The following SMYD3 variants were observed in gnomAD, a reference collection of about 807,000 sequenced individuals.
SMYD3 encodes the protein SET and MYND domain containing 3, also known as histone-lysine N-methyltransferase SMYD3.
In SMYD3, 36 loss-of-function variants were observed where a neutral mutation model predicts 57.7. The observed-to-expected ratio is 0.62, with a 90% CI of 0.48 to 0.82. SMYD3 has a LOEUF of 0.82. Among genes scored for constraint, SMYD3 ranks in the 40% least tolerant of loss-of-function variants. The pLI is 0.00. For synonymous variants in SMYD3, 211 were observed against 195.0 expected (o/e 1.08, Z -0.68); for missense variants, 515 against 538.8 (o/e 0.96, Z 0.44).
At chr1:245,893,024 GTA>G (rs2053491151) in intron 8 of SMYD3, among the ~76,000 whole-genome samples, 1 of 152,112 alleles carries the variant, frequency 6.6e-6, no homozygotes. Flanking sequence ...TCAAAACTCA[GTA>G]AGAAAACACC....
rs753974782 is a variant in SMYD3, at chr1:246,290,076, GT to G, written c.531+37124del. ...ATACTTAAAGGAATCTTCAAATGAT[GT>G]TCAAATATATGATGACAGGAGAAAC... On this transcript the variant is annotated intron_variant, in intron 5 of 11. Transcript: ENST00000490107. Among the ~76,000 whole-genome samples, 522 of 152,232 alleles carry G rather than the reference GT, an allele frequency of 3.4e-3. 5 individuals carry two copies. Among genetic ancestry groups the G allele is most frequent in the Non-Finnish European group, 6.4e-3 (438 of 67,998 alleles).
chr1:245,827,405 G>A (rs1462935857), intron 10 of SMYD3, among the ~76,000 whole-genome samples: 1 of 152,120 alleles, frequency 6.6e-6, no homozygotes. Context: ...TCGAACTCAC[G>A]ATGCCTGGCC....
At chr1:246,009,260 T>C (rs969438803) in intron 5 of SMYD3, among the ~76,000 whole-genome samples, 9 of 152,142 alleles carry the variant, frequency 5.9e-5, no homozygotes, top group African/African-American at 1.9e-4. Context: ...AATTCATGTA[T>C]TGGGGGCTAT....
At chr1:246,507,004 G>T in intron 1 of SMYD3, 50 bp downstream of exon 1, 7 of 915,976 alleles carry the variant, frequency 7.6e-6, no homozygotes, top group African/African-American at 2.4e-5. Context: ...CCCCTCCCCA[G>T]CACCCCACAC....
chr1:245,832,856 G>A (rs1010872930), intron 10 of SMYD3, among the ~76,000 whole-genome samples: 4 of 151,704 alleles, frequency 2.6e-5, no homozygotes, highest in Non-Finnish European at 5.9e-5. Context: ...ATTGAATAAC[G>A]TGACTGAAAG....
intron 8 of SMYD3, among the ~76,000 whole-genome samples, chr1:245,884,228 G>A (rs963768094): frequency 1.4e-4 from 22 of 152,156 alleles, no homozygotes; most frequent in African/African-American, 5.1e-4. Context: ...GAAAACTATA[G>A]GTCTCCCTGA....
At chr1:246,190,739 A>G (rs1445111314) in intron 5 of SMYD3, among the ~76,000 whole-genome samples, 5 of 152,066 alleles carry the variant, frequency 3.3e-5, no homozygotes, top group Admixed American at 1.3e-4. Context: ...CCAACACTAT[A>G]CTAAATAATA....
intron 5 of SMYD3, among the ~76,000 whole-genome samples, chr1:246,248,644 T>G (rs2063748503): frequency 7.6e-6 from 1 of 131,386 alleles, no homozygotes; most frequent in South Asian, 2.9e-4. Context: ...TCCTTTTTTT[T>G]TTTTTTTTTT....
At chr1:246,268,691 G>A (rs1397953795) in intron 5 of SMYD3, among the ~76,000 whole-genome samples, 1 of 151,710 alleles carries the variant, frequency 6.6e-6, no homozygotes, top group African/African-American at 2.4e-5. Flanking sequence ...GTGACAGAAC[G>A]AGACACCATC....
chr1:246,000,696 G>T (rs1283944883), intron 5 of SMYD3, among the ~76,000 whole-genome samples: 1 of 152,130 alleles, frequency 6.6e-6, no homozygotes, highest in Non-Finnish European at 1.5e-5. Flanking sequence ...TTTCCAGGGC[G>T]CTCACTAATC....
chr1:246,173,325 C>T (rs1383661446), intron 5 of SMYD3, among the ~76,000 whole-genome samples: 1 of 152,234 alleles, frequency 6.6e-6, no homozygotes, highest in Non-Finnish European at 1.5e-5. Flanking sequence ...AGGCCTAGAA[C>T]ACTCACTGTA....
intron 5 of SMYD3, among the ~76,000 whole-genome samples, chr1:246,081,601 C>T (rs2060638482): frequency 6.6e-6 from 1 of 152,150 alleles, no homozygotes; most frequent in African/African-American, 2.4e-5. Flanking sequence ...GCCATGTTGG[C>T]CAGGCTGGTC....
chr1:246,373,820 G>T (rs2066228508), intron 1 of SMYD3, among the ~76,000 whole-genome samples: 1 of 152,158 alleles, frequency 6.6e-6, no homozygotes, highest in African/African-American at 2.4e-5. Flanking sequence ...TTGATTTGGA[G>T]TTAGTCAATC....
intron 5 of SMYD3, among the ~76,000 whole-genome samples, chr1:246,242,045 T>C (rs1022194470): frequency 1.8e-4 from 28 of 151,988 alleles, no homozygotes; most frequent in Admixed American, 1.6e-3. Context: ...AACCGGCTCC[T>C]GGATTCATTG....
chr1:246,001,987 A>G (rs1238246673), intron 5 of SMYD3, among the ~76,000 whole-genome samples: 3 of 152,122 alleles, frequency 2.0e-5, no homozygotes, highest in Non-Finnish European at 4.4e-5. Flanking sequence ...AAGAGATCAC[A>G]GATACTTTGT....
At chr1:246,502,064 C>G (rs551191959) in intron 1 of SMYD3, among the ~76,000 whole-genome samples, 1 of 152,018 alleles carries the variant, frequency 6.6e-6, no homozygotes, top group Non-Finnish European at 1.5e-5. Context: ...CATCATCTCA[C>G]CAAACACAGT....
chr1:246,244,002 C>T (rs1172459294), intron 5 of SMYD3, among the ~76,000 whole-genome samples: 4 of 104,844 alleles, frequency 3.8e-5, no homozygotes, highest in South Asian at 4.5e-4. Flanking sequence ...TATATATACA[C>T]GTATATATGT....
intron 5 of SMYD3, among the ~76,000 whole-genome samples, chr1:246,301,942 A>G (rs1197349257): frequency 6.6e-6 from 1 of 152,180 alleles, no homozygotes; most frequent in East Asian, 1.9e-4. Context: ...CACTCCTCAT[A>G]TTCCTCTGAA....
intron 10 of SMYD3, among the ~76,000 whole-genome samples, chr1:245,816,905 G>A (rs2048844421): frequency 1.3e-5 from 2 of 152,018 alleles, no homozygotes; most frequent in Non-Finnish European, 2.9e-5. Context: ...CTACCCGACG[G>A]AGTCTCGCTG....
Sources: allele counts gnomAD v4.1 joint callset (sites outside exome capture counted in the v4.1 genomes callset), GRCh38; gene constraint gnomAD v4.1.1; transcripts MANE v1.5; gene names NCBI Gene and HGNC (gene_info 2026-07-23, HGNC 2026-07-21).